Variants in LAMA5 observed in about 807,000 individuals in gnomAD.
The protein encoded by LAMA5 is laminin subunit alpha-5.
A neutral mutation model predicts 433.4 loss-of-function variants in LAMA5; 260 were observed. The ratio of observed to expected loss-of-function variants is 0.60; its 90% CI spans 0.54 to 0.66. The LOEUF (loss-of-function observed/expected upper bound fraction) is 0.66, where lower values mean the gene tolerates loss of function less well. LAMA5 is among the 30% of genes least tolerant of loss of function. The pLI is 0.00. For missense variants in LAMA5, 5,378 were observed against 5,258.5 expected, an observed-to-expected ratio of 1.02 and a Z score of -0.70; for synonymous variants, 2,620 against 2,226.6, an observed-to-expected ratio of 1.18 and a Z score of -4.97.
At position 62,311,400 on chromosome 20, in the gene LAMA5, C is replaced by T; in HGVS notation, c.9942+1G>A. ...TGCCTGCTCACCCCTGGGGTGCCCA[C>T]CTTCCGGGCGGTGGCCTGCAGTCCT... On this transcript the variant is annotated splice_donor_variant, in intron 72 of 79. Coordinates refer to ENST00000252999, the MANE Select transcript of LAMA5 (RefSeq NM_005560.6). LOFTEE classifies it high-confidence loss of function. 6 of 1,557,208 alleles carry T rather than the reference C, an allele frequency of 3.9e-6. No homozygotes were observed. Among genetic ancestry groups the T allele is most frequent in the South Asian group, 1.2e-5 (1 of 85,470 alleles).
intron 48 of LAMA5, among the ~76,000 whole-genome samples, chr20:62,321,134 G>A (rs1043977653): frequency 1.1e-4 from 15 of 142,044 alleles, no homozygotes; most frequent in South Asian, 4.4e-4. Flanking sequence ...ACAAGGGGTT[G>A]GGGCCGGAGG....
chr20:62,347,175 C>T (rs1056364121), intron 6 of LAMA5, 147 bp from the exon 7 acceptor site: 23 of 640,022 alleles, frequency 3.6e-5, no homozygotes, highest in Admixed American at 2.3e-4. Flanking sequence ...TCCAGCTGTC[C>T]GGCAGCAAGC....
chr20:62,312,425 C>G lies in LAMA5; in HGVS notation c.9335G>C (p.Ser3112Thr). ...CAGCAGGTCGGCGGTGCAGCCGGCG[C>G]TCACGCCTGTCGTGTTCAGCCGCTT... ...DLKRLNTTGV[S>T]AGCTADLLVG... is the part of the protein sequence containing the mutation. The change falls in exon 68 of 80, where the codon AGC becomes ACC. Residue 3112 changes from serine to threonine, a missense_variant. Transcript: ENST00000252999. 6.3e-7 allele frequency: 1 copy of G among 1,597,928 alleles called. No homozygotes were observed. Among genetic ancestry groups the G allele is most frequent in the Non-Finnish European group, 8.5e-7 (1 of 1,179,436 alleles).
chr20:62,318,919 C>T lies in LAMA5; in HGVS notation c.6966G>A (p.Leu2322=). The change falls in exon 52 of 80, where the codon CTG becomes CTA. Residue 2322 remains leucine, a synonymous_variant. Coordinates refer to ENST00000252999, the MANE Select transcript of LAMA5 (RefSeq NM_005560.6). ...LLRTLAEVER[L]LWEMRARDLG... ...GGTCCCGGGCCCGCATCTCCCAGAG[C>T]AGCCGCTCCACCTCGGCCAGTGTCC... 1 of 1,603,110 alleles carries T rather than the reference C, an allele frequency of 6.2e-7. No individual in the cohort carries two copies. The highest frequency in any genetic ancestry group is 8.5e-7 in the Non-Finnish European group (1 of 1,177,078).
intron 19 of LAMA5, 32 bp downstream of exon 19, chr20:62,335,185 C>G: frequency 6.2e-7 from 1 of 1,612,606 alleles, no homozygotes; most frequent in Non-Finnish European, 8.5e-7. Context: ...AGTGTGCCCC[C>G]AAATCCCCCA....
In LAMA5 at chr20:62,335,097, G is replaced by A. The variant is rs766356804; in HGVS notation, c.2406C>T (p.His802=). 1.2e-5 allele frequency: 19 copies of A among 1,612,914 alleles called. No homozygotes were observed. Among genetic ancestry groups the A allele is most frequent in the African/African-American group, 2.7e-5 (2 of 74,882 alleles). ...AGGACGCGCAGGCCTGGCCGCACACGTGGGGCTTGCAGAAGCACTGGCCGG... is the reference window on the plus strand; with the variant it reads ...AGGACGCGCAGGCCTGGCCGCACACATGGGGCTTGCAGAAGCACTGGCCGG... ...PGTGQCFCKP[H]VCGQACASCK... is the part of the protein sequence containing the mutation. The change falls in exon 20 of 80, where the codon CAC becomes CAT. Residue 802 remains histidine (H), a synonymous_variant. Coordinates refer to ENST00000252999, the MANE Select transcript of LAMA5 (RefSeq NM_005560.6).
Position 62,334,286 on chromosome 20 carries a change from T to A in LAMA5, c.2639A>T (p.Glu880Val). 6.2e-7 allele frequency: 1 copy of A among 1,611,728 alleles called. No homozygotes were observed. The highest frequency in any genetic ancestry group is 8.5e-7 in the Non-Finnish European group (1 of 1,179,464). The change falls in exon 22 of 80, where the codon GAG (glutamate) becomes GTG (valine). Residue 880 changes from glutamate to valine, a missense_variant. Transcript: ENST00000252999. The part of the protein sequence containing the change: ...DLHHLRLELE[E>V]AATPEGHAVR... ...GGCGTGACCCTCAGGTGTGGCAGCCTCCTCCAGCTCCAGGCGCAGGTGGTG... is the reference window on the plus strand; with the variant it reads ...GGCGTGACCCTCAGGTGTGGCAGCCACCTCCAGCTCCAGGCGCAGGTGGTG...
At chr20:62,358,479 T>C (rs1217541352) in intron 2 of LAMA5, among the ~76,000 whole-genome samples, 1 of 152,160 alleles carries the variant, frequency 6.6e-6, no homozygotes, top group Non-Finnish European at 1.5e-5. Flanking sequence ...ACTGGCCACA[T>C]GGCTGAGTGC....
At chr20:62,364,482 G>C (rs1337651536) in intron 1 of LAMA5, among the ~76,000 whole-genome samples, 1 of 152,224 alleles carries the variant, frequency 6.6e-6, no homozygotes, top group African/African-American at 2.4e-5. Flanking sequence ...GTTATTGGGA[G>C]GCAGTTCCAG....
intron 3 of LAMA5, 61 bp from the exon 4 acceptor site, chr20:62,352,421 T>G: frequency 9.6e-5 from 124 of 1,295,668 alleles, no homozygotes; most frequent in Middle Eastern, 1.8e-4. Context: ...GTCCCCGCGG[T>G]GCCCGGGCCC....
rs758153399 is a variant in LAMA5, at chr20:62,332,574, C to A, written c.3426G>T (p.Leu1142=). 7 of 1,593,452 alleles carry A rather than the reference C, an allele frequency of 4.4e-6. No homozygotes were observed. The Admixed American group carries it at 6.9e-5, about 16-fold the overall frequency. The change falls in exon 27 of 80, where the codon CTG becomes CTT. Residue 1142 remains leucine (L), a synonymous_variant. Transcript: ENST00000252999. The stretch of plus-strand genomic sequence containing the variant: ...CCACTCACCTGTACAGGCAGGGGTG[C>A]AGGGAGAGCAGCCCCTGCTGGGGGG... The part of the protein sequence containing the change: ...QRAPQQGLLS[L]HPCLYSTLCR...
rs1986137740 is a variant in LAMA5, at chr20:62,310,569, T to A, written c.10450A>T (p.Thr3484Ser). 1.3e-6 allele frequency: 2 copies of A among 1,548,766 alleles called. No homozygotes were observed. The highest frequency in any genetic ancestry group is 1.4e-5 in the African/African-American group (1 of 72,944). Residue 3484 changes from threonine to serine, a missense_variant, in exon 76 of 80, where the codon ACC becomes TCC. Coordinates refer to ENST00000252999, the MANE Select transcript of LAMA5 (RefSeq NM_005560.6). Reference sequence around the variant, plus strand: ...TTCACACAGCCGCTGAACCCGACGGTCACCTATAGGAGCAGACCGGGCAGG... The same window carrying A: ...TTCACACAGCCGCTGAACCCGACGGACACCTATAGGAGCAGACCGGGCAGG... ...ASSHSSKLPV[T>S]VGFSGCVKRL...
chr20:62,328,066 G>T, intron 35 of LAMA5, 56 bp from the exon 36 acceptor site: 1 of 1,604,158 alleles, frequency 6.2e-7, no homozygotes, highest in Non-Finnish European at 8.5e-7. Context: ...ACACCAAAGT[G>T]AGACCTCGTA....
chr20:62,329,071 C>A lies in LAMA5; in HGVS notation c.4236-16G>T, dbSNP rs775653931. The A allele has an allele frequency of 1.9e-6, 3 of 1,612,512 alleles. No individual in the cohort carries two copies. Among genetic ancestry groups the A allele is most frequent in the Non-Finnish European group, 2.5e-6 (3 of 1,179,698 alleles). On this transcript the variant is annotated splice_polypyrimidine_tract_variant and intron_variant, in intron 33 of 79. Transcript: ENST00000252999. ...GCTGCTGGGGCTACATGGAGGGGCA[C>A]GTGGTGAGGCCAGCTCCCGGCCCAG...
Position 62,356,004 on chromosome 20 carries a change from T to TC in LAMA5, c.451-2754dup, listed in dbSNP as rs376864483. Among the ~76,000 whole-genome samples, 246 of 152,268 alleles carry TC rather than the reference T, an allele frequency of 1.6e-3. 1 individual carries two copies. The highest frequency in any genetic ancestry group is 6.8e-3 in the Middle Eastern group (2 of 294). On this transcript the variant is annotated intron_variant, in intron 2 of 79. Transcript: ENST00000252999. The stretch of plus-strand genomic sequence containing the variant: ...GCTGCGCTCTCCTCGGCCCGATCTG[T>TC]CCTCCTCCCTCCCCTTCAGCAGGCC...
chr20:62,341,039 A>T lies in LAMA5; in HGVS notation c.1478-2431T>A, dbSNP rs543282768. On this transcript the variant is annotated intron_variant, in intron 11 of 79. Transcript: ENST00000252999. ...GGGTGACAGAGTGAGACTCTGTGTC[A>T]AAATAAATAAATAAATAAATAAATA... Among the ~76,000 whole-genome samples, 169 of 147,084 alleles carry T rather than the reference A, an allele frequency of 1.1e-3. 6 individuals are homozygous for T. The South Asian group carries it at 0.034, about 30-fold the overall frequency.
Position 62,318,446 on chromosome 20 carries a change from G to T in LAMA5, c.7239+8C>A. 1 of 1,597,402 alleles carries T rather than the reference G, an allele frequency of 6.3e-7. No individual in the cohort carries two copies. Among genetic ancestry groups the T allele is most frequent in the Non-Finnish European group, 8.5e-7 (1 of 1,175,868 alleles). On this transcript the variant is annotated splice_region_variant and intron_variant, in intron 53 of 79. Coordinates refer to ENST00000252999, the MANE Select transcript of LAMA5 (RefSeq NM_005560.6). ...GAGCAGGAGGAAGAACAAGTCCGGG[G>T]TCCTCACCAGGGCTTCCTCCAGGCG...
chr20:62,311,388 C>A lies in LAMA5; in HGVS notation c.9942+13G>T, dbSNP rs1038781435. 2.6e-6 allele frequency: 4 copies of A among 1,548,686 alleles called. No homozygotes were observed. The highest frequency in any genetic ancestry group is 3.5e-6 in the Non-Finnish European group (4 of 1,145,430). The stretch of plus-strand genomic sequence containing the variant: ...CCACCCCAGCTCTGCCTGCTCACCC[C>A]TGGGGTGCCCACCTTCCGGGCGGTG... On this transcript the variant is annotated intron_variant, in intron 72 of 79. Transcript: ENST00000252999.
chr20:62,313,173 T>TCGAAGCTGATGCGGG lies in LAMA5; in HGVS notation c.8855_8869dup (p.Ala2952_Phe2956dup). The TCGAAGCTGATGCGGG allele has an allele frequency of 6.3e-7, 1 of 1,592,566 alleles. No individual in the cohort carries two copies. The highest frequency in any genetic ancestry group is 8.5e-7 in the Non-Finnish European group (1 of 1,173,376). ...GCGCTTGGTGGTGCTGATCTGACTG[T>TCGAAGCTGATGCGGG]CGAAGCTGATGCGGGCGAAGCCGGT... On this transcript the variant is annotated inframe_insertion, in exon 65 of 80. Coordinates refer to ENST00000252999, the MANE Select transcript of LAMA5 (RefSeq NM_005560.6).
Sources: allele counts gnomAD v4.1 joint callset (sites outside exome capture counted in the v4.1 genomes callset), GRCh38; gene constraint gnomAD v4.1.1; transcripts MANE v1.5; gene names NCBI Gene and HGNC (gene_info 2026-07-23, HGNC 2026-07-21).